VEGFC: variants seen among roughly 807,000 people sequenced by gnomAD.
VEGFC encodes vascular endothelial growth factor C, also known as FLT4 ligand DHM.
Under a neutral mutation model 46.1 loss-of-function variants are expected in VEGFC, and 12 were observed. That is an observed-to-expected ratio of 0.26 (90% CI 0.17 to 0.42). VEGFC has a LOEUF of 0.42. Among genes scored for constraint, VEGFC ranks in the 10% least tolerant of loss-of-function variants. VEGFC has a pLI of 1.00. For missense variants in VEGFC, 488 were observed against 529.4 expected, an observed-to-expected ratio of 0.92 and a Z score of 0.77; for synonymous variants, 232 against 195.5, an observed-to-expected ratio of 1.19 and a Z score of -1.56.
intron 1 of VEGFC, among the ~76,000 whole-genome samples, chr4:176,735,305 T>G (rs1361974501): frequency 6.6e-6 from 1 of 151,980 alleles, no homozygotes; most frequent in Non-Finnish European, 1.5e-5. Context: ...TAGCCTGTAA[T>G]TTAAGACTAC....
intron 1 of VEGFC, among the ~76,000 whole-genome samples, chr4:176,769,299 T>C (rs1735684792): frequency 6.6e-6 from 1 of 152,156 alleles, no homozygotes; most frequent in Non-Finnish European, 1.5e-5. Flanking sequence ...AGACACCCTG[T>C]GACCCTGTGT....
intron 1 of VEGFC, among the ~76,000 whole-genome samples, chr4:176,761,479 T>C (rs1041830597): frequency 5.3e-5 from 8 of 152,220 alleles, no homozygotes; most frequent in African/African-American, 1.7e-4. Flanking sequence ...ATTTGGAATG[T>C]TGAATACTAC....
chr4:176,759,422 T>C (rs1735489364), intron 1 of VEGFC, among the ~76,000 whole-genome samples: 1 of 151,854 alleles, frequency 6.6e-6, no homozygotes, highest in African/African-American at 2.4e-5. Flanking sequence ...AAAAATCAAA[T>C]GATAGAAGCA....
chr4:176,713,629 G>A (rs1294870632), intron 3 of VEGFC, among the ~76,000 whole-genome samples: 1 of 152,082 alleles, frequency 6.6e-6, no homozygotes, highest in Non-Finnish European at 1.5e-5. Context: ...GAAAAGTCAT[G>A]AACATTTAAG....
intron 1 of VEGFC, among the ~76,000 whole-genome samples, chr4:176,778,621 A>G (rs937767703): frequency 3.3e-5 from 5 of 152,206 alleles, no homozygotes; most frequent in African/African-American, 1.2e-4. Context: ...TCTGATGGCA[A>G]GTTATTTTGT....
chr4:176,741,128 A>T (rs973533502), intron 1 of VEGFC, among the ~76,000 whole-genome samples: 1 of 151,984 alleles, frequency 6.6e-6, no homozygotes, highest in Admixed American at 6.6e-5. Flanking sequence ...TTTTTAAACC[A>T]AATGCTCCAT....
At chr4:176,719,310 G>T (rs200619849) in intron 3 of VEGFC, among the ~76,000 whole-genome samples, 49 of 151,594 alleles carry the variant, frequency 3.2e-4, no homozygotes, top group Admixed American at 7.2e-4. Context: ...TCTTTTTTTT[G>T]TTTTTTTTTA....
At chr4:176,785,889 G>A (rs544684969) in intron 1 of VEGFC, among the ~76,000 whole-genome samples, 6 of 152,222 alleles carry the variant, frequency 3.9e-5, no homozygotes, top group South Asian at 2.1e-4. Flanking sequence ...TGCTTGCTTC[G>A]TTTGGAATGC....
chr4:176,733,269 G>A (rs1321220820), intron 1 of VEGFC, among the ~76,000 whole-genome samples: 2 of 151,870 alleles, frequency 1.3e-5, no homozygotes, highest in East Asian at 1.9e-4. Context: ...ATCTGTTTAG[G>A]TGAAACAAAA....
At chr4:176,772,558 C>A (rs776569679) in intron 1 of VEGFC, among the ~76,000 whole-genome samples, 5 of 152,180 alleles carry the variant, frequency 3.3e-5, no homozygotes, top group Non-Finnish European at 4.4e-5. Context: ...GTGGTTGCCT[C>A]CTGCTACAGC....
At chr4:176,705,658 T>C (rs1734521531) in intron 4 of VEGFC, among the ~76,000 whole-genome samples, 3 of 152,214 alleles carry the variant, frequency 2.0e-5, no homozygotes, top group Admixed American at 6.5e-5. Flanking sequence ...ATTTATTGAA[T>C]GCTTAATATG....
intron 1 of VEGFC, among the ~76,000 whole-genome samples, chr4:176,789,074 T>G (rs1353731632): frequency 2.0e-5 from 3 of 152,184 alleles, no homozygotes; most frequent in Non-Finnish European, 2.9e-5. Context: ...TCCCAGGGAT[T>G]CGGGAAACCT....
intron 1 of VEGFC, among the ~76,000 whole-genome samples, chr4:176,787,237 A>G (rs1736018116): frequency 1.3e-5 from 2 of 152,070 alleles, no homozygotes; most frequent in African/African-American, 4.8e-5. Context: ...CAAGTGGATC[A>G]CCTGAAGTCA....
chr4:176,720,016 A>C (rs1350976091), intron 3 of VEGFC, among the ~76,000 whole-genome samples: 1 of 151,790 alleles, frequency 6.6e-6, no homozygotes, highest in African/African-American at 2.4e-5. Context: ...CCAAGATCAC[A>C]CCATTGCACT....
chr4:176,761,452 T>C (rs1262122293), intron 1 of VEGFC, among the ~76,000 whole-genome samples: 1 of 152,216 alleles, frequency 6.6e-6, no homozygotes, highest in African/African-American at 2.4e-5. Flanking sequence ...TGTCACAGTT[T>C]TATTAAGATT....
chr4:176,763,919 A>G lies in VEGFC; in HGVS notation c.147+28246T>C, dbSNP rs1735573390. Among the ~76,000 whole-genome samples, 4 of 152,288 alleles carry G rather than the reference A, an allele frequency of 2.6e-5. 1 individual carries two copies. The South Asian group carries it at 8.3e-4, about 32-fold the overall frequency. On this transcript the variant is annotated intron_variant, in intron 1 of 6. Transcript: ENST00000618562. ...ATGGAACGGTATCTCAAACATAGTAAGAGGAATTTAAACCAAAGGCCTATC... is the reference window on the plus strand; with the variant it reads ...ATGGAACGGTATCTCAAACATAGTAGGAGGAATTTAAACCAAAGGCCTATC...
intron 1 of VEGFC, among the ~76,000 whole-genome samples, chr4:176,780,387 A>AAAAAACAAAAAAC (rs1553997798): frequency 5.2e-5 from 6 of 114,760 alleles, no homozygotes; most frequent in African/African-American, 1.9e-4. Context: ...ATCTCAAAAA[A>AAAAAACAAAAAAC]AAAAAAAAAA....
intron 3 of VEGFC, among the ~76,000 whole-genome samples, chr4:176,723,126 C>T (rs1185576411): frequency 6.6e-6 from 1 of 151,958 alleles, no homozygotes; most frequent in Non-Finnish European, 1.5e-5. Flanking sequence ...ATTTGGTTGA[C>T]CAATAGTAAG....
intron 4 of VEGFC, among the ~76,000 whole-genome samples, chr4:176,690,023 A>C (rs1734123806): frequency 6.6e-6 from 1 of 152,188 alleles, no homozygotes; most frequent in African/African-American, 2.4e-5. Context: ...ATTTTTGGGA[A>C]TAGATTACTG....
Sources: gnomAD v4.1 joint callset for allele counts (sites outside exome capture counted in the v4.1 genomes callset) on GRCh38, gnomAD v4.1.1 for gene constraint, MANE v1.5 for transcripts, NCBI Gene and HGNC (gene_info 2026-07-23, HGNC 2026-07-21) for gene names.